Variants in STXBP5L observed in about 807,000 individuals in gnomAD.
STXBP5L encodes the protein syntaxin binding protein 5L, also known as syntaxin-binding protein 5-like.
STXBP5L carries 65 observed loss-of-function variants against 144.5 expected under a neutral mutation model. That is an observed-to-expected ratio of 0.45 (90% CI 0.37 to 0.55). The LOEUF is 0.55. STXBP5L is among the 20% of genes least tolerant of loss of function. The probability of loss-of-function intolerance (pLI) is 0.00; values close to 1 mark genes in which losing one functional copy is unlikely to be tolerated. For synonymous variants in STXBP5L, 505 were observed against 469.6 expected (o/e 1.08, Z -0.97); for missense variants, 1,298 against 1,405.5 (o/e 0.92, Z 1.22).
Position 121,223,277 on chromosome 3 carries a change from G to C in STXBP5L, c.1111+120G>C. On this transcript the variant is annotated intron_variant, in intron 11 of 26. Coordinates refer to ENST00000471454, the MANE Select transcript of STXBP5L (RefSeq NM_001308330.2). ...TGTGGTATAACGCTGTGAGCTACAAGTGCTGGAACAGGTTCTGCAACTGTA... is the reference window on the plus strand; with the variant it reads ...TGTGGTATAACGCTGTGAGCTACAACTGCTGGAACAGGTTCTGCAACTGTA... 5 of 1,021,642 alleles carry C rather than the reference G, an allele frequency of 4.9e-6. No individual in the cohort carries two copies. In the South Asian group the frequency reaches 8.7e-5, roughly 18 times the overall value. 63.3% of individuals were successfully genotyped at this position (1,021,642 alleles called of 1,614,324 possible).
At position 120,976,727 on chromosome 3, in the gene STXBP5L, T is replaced by A. The variant is rs1249456006; in HGVS notation, c.287+21690T>A. 2.6e-5 allele frequency among the ~76,000 whole-genome samples: 4 copies of A among 152,160 alleles called. No individual in the cohort carries two copies. The East Asian group carries it at 5.8e-4, about 22-fold the overall frequency. The stretch of plus-strand genomic sequence containing the variant: ...ACACACTGCTTTGAATGTGTCCCAG[T>A]GTTTCTGGTATGTTGTGTCTTTGTT... On this transcript the variant is annotated intron_variant, in intron 3 of 26. Coordinates refer to ENST00000471454, the MANE Select transcript of STXBP5L (RefSeq NM_001308330.2).
intron 7 of STXBP5L, among the ~76,000 whole-genome samples, chr3:121,145,334 G>A (rs1284972388): frequency 2.7e-5 from 4 of 149,742 alleles, no homozygotes; most frequent in South Asian, 2.1e-4. Context: ...AATTTATATC[G>A]CTAATAGGTC....
chr3:120,962,244 G>C (rs969521400), intron 3 of STXBP5L, among the ~76,000 whole-genome samples: 4 of 152,086 alleles, frequency 2.6e-5, no homozygotes, highest in Non-Finnish European at 5.9e-5. Context: ...CATTCTGATG[G>C]TAGTTTCTTT....
intron 20 of STXBP5L, among the ~76,000 whole-genome samples, chr3:121,321,007 A>C (rs997139461): frequency 6.6e-6 from 1 of 152,102 alleles, no homozygotes; most frequent in African/African-American, 2.4e-5. Flanking sequence ...CCCACACTTT[A>C]TTTTTAATTT....
chr3:121,330,037 T>C (rs1376530821), intron 20 of STXBP5L, among the ~76,000 whole-genome samples: 1 of 152,212 alleles, frequency 6.6e-6, no homozygotes, highest in Non-Finnish European at 1.5e-5. Flanking sequence ...TATTTCTGCT[T>C]CCATACATGC....
chr3:121,278,415 A>G (rs2108436460), intron 18 of STXBP5L, among the ~76,000 whole-genome samples: 1 of 152,092 alleles, frequency 6.6e-6, no homozygotes, highest in South Asian at 2.1e-4. Context: ...ATTCCAAGAC[A>G]AAAATAATTA....
At chr3:121,001,667 TTCTC>T (rs1358291888) in intron 3 of STXBP5L, among the ~76,000 whole-genome samples, 27 of 152,188 alleles carry the variant, frequency 1.8e-4, no homozygotes, top group Non-Finnish European at 5.9e-5. Context: ...AACTCATTCT[TTCTC>T]CAGGAGCTTC....
intron 4 of STXBP5L, among the ~76,000 whole-genome samples, chr3:121,044,541 A>T (rs1947377679): frequency 6.6e-6 from 1 of 152,184 alleles, no homozygotes. Context: ...TCTCTGGACA[A>T]CCAAGGTTCT....
At chr3:121,416,634 A>G (rs2047245508) in intron 25 of STXBP5L, among the ~76,000 whole-genome samples, 1 of 151,352 alleles carries the variant, frequency 6.6e-6, no homozygotes. Flanking sequence ...CAGCCTCCCA[A>G]GTAGCTGGGA....
intron 3 of STXBP5L, among the ~76,000 whole-genome samples, chr3:121,030,167 C>G (rs12495664): frequency 6.6e-6 from 1 of 152,086 alleles, no homozygotes; most frequent in Admixed American, 6.6e-5. Flanking sequence ...ACTCAGCAAT[C>G]CCATTACTGG....
intron 19 of STXBP5L, among the ~76,000 whole-genome samples, chr3:121,285,276 G>C (rs2051192274): frequency 6.6e-6 from 1 of 151,840 alleles, no homozygotes; most frequent in Non-Finnish European, 1.5e-5. Flanking sequence ...AATTGAAGTT[G>C]AAAAAAATGA....
chr3:121,091,682 G>T (rs2042805389), intron 5 of STXBP5L, among the ~76,000 whole-genome samples: 1 of 152,106 alleles, frequency 6.6e-6, no homozygotes, highest in African/African-American at 2.4e-5. Flanking sequence ...TTAGCCCTTT[G>T]TCAGATGAGT....
intron 3 of STXBP5L, among the ~76,000 whole-genome samples, chr3:120,980,068 C>T (rs1941586693): frequency 6.6e-6 from 1 of 152,054 alleles, no homozygotes; most frequent in Admixed American, 6.6e-5. Context: ...AGTTTTAATT[C>T]CACTGTAGTC....
At chr3:121,026,148 G>C (rs1945927352) in intron 3 of STXBP5L, among the ~76,000 whole-genome samples, 2 of 151,018 alleles carry the variant, frequency 1.3e-5, no homozygotes, top group African/African-American at 4.9e-5. Context: ...GTATCACCTT[G>C]ATTTAAAGGT....
chr3:121,053,036 C>T (rs1948148462), intron 5 of STXBP5L, among the ~76,000 whole-genome samples: 1 of 152,170 alleles, frequency 6.6e-6, no homozygotes, highest in African/African-American at 2.4e-5. Flanking sequence ...ATCCACCTTA[C>T]AGGGACGTGA....
chr3:120,971,307 A>G (rs1940219573), intron 3 of STXBP5L, among the ~76,000 whole-genome samples: 1 of 151,868 alleles, frequency 6.6e-6, no homozygotes, highest in Non-Finnish European at 1.5e-5. Flanking sequence ...GAAATTGAGG[A>G]TTTTGTACCC....
At chr3:121,008,071 C>G (rs1944482068) in intron 3 of STXBP5L, among the ~76,000 whole-genome samples, 1 of 151,920 alleles carries the variant, frequency 6.6e-6, no homozygotes, top group Non-Finnish European at 1.5e-5. Context: ...AGCACTTCTG[C>G]TATTTTAGGT....
At chr3:121,367,595 GTTTTTTTTT>G (rs57288480) in intron 20 of STXBP5L, among the ~76,000 whole-genome samples, 40 of 51,336 alleles carry the variant, frequency 7.8e-4, no homozygotes, top group African/African-American at 2.7e-3. Context: ...TTCGACTCTT[GTTTTTTTTT>G]TTTTTTTTTT....
chr3:121,423,926 T>C lies in STXBP5L; in HGVS notation c.*4829T>C, dbSNP rs1298560072. 6.6e-6 allele frequency: 1 copy of C among 152,250 alleles called. No homozygotes were observed. Among genetic ancestry groups the C allele is most frequent in the Admixed American group, 6.5e-5 (1 of 15,286 alleles). 9.4% of individuals were successfully genotyped at this position (152,250 alleles called of 1,614,324 possible). A position where few individuals can be genotyped will look rare whatever the true frequency, so the allele number is the denominator to read the frequency against. Reference sequence around the variant, plus strand: ...AATAATCATCTTTGTGATATTCTCCTATGTGACTTGTCCATCAATTATTCC... The same window carrying C: ...AATAATCATCTTTGTGATATTCTCCCATGTGACTTGTCCATCAATTATTCC... On this transcript the variant is annotated 3_prime_UTR_variant, in exon 27 of 27. Transcript: ENST00000471454.
Sources: allele counts gnomAD v4.1 joint callset (sites outside exome capture counted in the v4.1 genomes callset), GRCh38; gene constraint gnomAD v4.1.1; transcripts MANE v1.5; gene names NCBI Gene and HGNC (gene_info 2026-07-23, HGNC 2026-07-21).